MTTP: variants seen among roughly 807,000 people sequenced by gnomAD.
The protein encoded by MTTP is microsomal triglyceride transfer protein large subunit.
MTTP carries 49 observed loss-of-function variants against 90.6 expected under a neutral mutation model. The ratio of observed to expected loss-of-function variants is 0.54; its 90% CI spans 0.43 to 0.69. MTTP has a LOEUF of 0.69. Among genes scored for constraint, MTTP ranks in the 30% least tolerant of loss-of-function variants. The probability of loss-of-function intolerance (pLI) is 0.00; values close to 1 mark genes in which losing one functional copy is unlikely to be tolerated. For missense variants in MTTP, 945 were observed against 1,067.5 expected, an observed-to-expected ratio of 0.89 and a Z score of 1.60; for synonymous variants, 347 against 384.2, an observed-to-expected ratio of 0.90 and a Z score of 1.13.
chr4:99,603,390 C>T (rs1725742407), intron 10 of MTTP, among the ~76,000 whole-genome samples: 1 of 151,972 alleles, frequency 6.6e-6, no homozygotes, highest in Non-Finnish European at 1.5e-5. Context: ...AAGAAAGAAG[C>T]AAGATGTTTT....
At chr4:99,611,538 T>C in intron 14 of MTTP, 85 bp downstream of exon 14, 2 of 1,520,806 alleles carry the variant, frequency 1.3e-6, no homozygotes, top group Non-Finnish European at 1.8e-6. Context: ...CTGTGGGTAA[T>C]GCTATAGAAT....
chr4:99,570,948 T>C, upstream of MTTP: 1 of 344,066 alleles, frequency 2.9e-6, no homozygotes, highest in Non-Finnish European at 5.7e-6. Flanking sequence ...AGACCAGTGT[T>C]AGACTTCTGA....
intron 1 of MTTP, among the ~76,000 whole-genome samples, chr4:99,566,027 C>T (rs1422645996): frequency 1.3e-5 from 2 of 152,184 alleles, no homozygotes; most frequent in South Asian, 4.2e-4. Flanking sequence ...TGGTGGCTCA[C>T]GCCTGTAATC....
At chr4:99,598,653 CTTTTTTTTTTTTTTTTTTT>C (rs745529189) in intron 8 of MTTP, among the ~76,000 whole-genome samples, 1 of 82,536 alleles carries the variant, frequency 1.2e-5, no homozygotes, top group African/African-American at 4.9e-5. Flanking sequence ...TCAAGGAAGT[CTTTTTTTTTTTTTTTTTTT>C]TTTTTTTTTA....
intron 1 of MTTP, among the ~76,000 whole-genome samples, chr4:99,566,293 AAAAG>A (rs1377221450): frequency 3.5e-4 from 48 of 138,280 alleles, no homozygotes; most frequent in African/African-American, 1.1e-3. Context: ...CGTCTCAAAA[AAAAG>A]AAAAAAAAAA....
At chr4:99,589,812 T>A in intron 4 of MTTP, 62 bp downstream of exon 4, 1 of 1,149,348 alleles carries the variant, frequency 8.7e-7, no homozygotes, top group Non-Finnish European at 1.3e-6. Context: ...TTTCTACTTA[T>A]ACAATTTCAG....
chr4:99,619,403 C>A (rs1726177387), intron 16 of MTTP, among the ~76,000 whole-genome samples: 1 of 152,078 alleles, frequency 6.6e-6, no homozygotes, highest in African/African-American at 2.4e-5. Context: ...GAAGAAATTT[C>A]ACTTTAAGGT....
At position 99,589,701 on chromosome 4, in the gene MTTP, G is replaced by T. The variant is rs1252692732; in HGVS notation, c.452G>T (p.Gly151Val). Residue 151 changes from glycine (G) to valine (V), a missense_variant, in exon 4 of 18, where the codon GGT becomes GTT. Coordinates refer to ENST00000265517, the MANE Select transcript of MTTP (RefSeq NM_001386140.1). ...GTGGCCATAGAAAATATCAAGAGAG[G>T]TCTGGCTAGCCTATTTCAGACACAG... The part of the protein sequence containing the change: ...EAVAIENIKR[G>V]LASLFQTQLS... 3.1e-6 allele frequency: 5 copies of T among 1,610,144 alleles called. No individual in the cohort carries two copies. Among genetic ancestry groups the T allele is most frequent in the Non-Finnish European group, 4.2e-6 (5 of 1,176,850 alleles).
At chr4:99,574,796 A>C (rs979035195), upstream of MTTP, 1 of 1,606,672 alleles carries the variant, frequency 6.2e-7, no homozygotes, top group Admixed American at 1.7e-5. Context: ...AAAGATAAAC[A>C]TGATTGTTGC....
At chr4:99,577,893 C>G (rs914000098) in intron 1 of MTTP, among the ~76,000 whole-genome samples, 4 of 152,078 alleles carry the variant, frequency 2.6e-5, no homozygotes, top group Admixed American at 6.6e-5. Flanking sequence ...TCCTTCATTT[C>G]CAGTCTTTCT....
intron 16 of MTTP, chr4:99,620,807 C>T: frequency 1.9e-6 from 1 of 520,476 alleles, no homozygotes. Context: ...ATCTTACAGA[C>T]ACTCCCCACA....
intron 1 of MTTP, among the ~76,000 whole-genome samples, chr4:99,581,096 A>T (rs1725100027): frequency 6.6e-6 from 1 of 152,204 alleles, no homozygotes; most frequent in Non-Finnish European, 1.5e-5. Context: ...AAATATACAA[A>T]AGAAAAAAGA....
intron 6 of MTTP, among the ~76,000 whole-genome samples, chr4:99,594,235 A>AGGCAG (rs2110220276): frequency 6.6e-6 from 1 of 152,288 alleles, no homozygotes; most frequent in South Asian, 2.1e-4. Flanking sequence ...CTATTAGTTG[A>AGGCAG]GGCAGTCACA....
At chr4:99,576,166 G>A (rs994377982) in intron 1 of MTTP, among the ~76,000 whole-genome samples, 2 of 152,170 alleles carry the variant, frequency 1.3e-5, no homozygotes, top group Non-Finnish European at 2.9e-5. Context: ...TTAATGAGAA[G>A]AAGATTTATA....
In MTTP at chr4:99,576,161, GAGA is replaced by G. The variant is rs540408316; in HGVS notation, c.61+1198_61+1200del. On this transcript the variant is annotated intron_variant, in intron 1 of 17. Coordinates refer to ENST00000265517, the MANE Select transcript of MTTP (RefSeq NM_001386140.1). ...ACTTGGACAAAAGAAATTTTTTAAT[GAGA>G]AGAAGATTTATAAATTATATCTGAC... Among the ~76,000 whole-genome samples, 973 of 152,252 alleles carry G rather than the reference GAGA, an allele frequency of 6.4e-3. 9 individuals carry two copies. Among genetic ancestry groups the G allele is most frequent in the African/African-American group, 0.022 (908 of 41,548 alleles).
At chr4:99,604,619 ACTT>A (rs1444431233) in intron 10 of MTTP, among the ~76,000 whole-genome samples, 1 of 152,144 alleles carries the variant, frequency 6.6e-6, no homozygotes, top group African/African-American at 2.4e-5. Context: ...AAATACTTTT[ACTT>A]CTTATTACTT....
chr4:99,572,110 C>G (rs538657077), upstream of MTTP, among the ~76,000 whole-genome samples: 11 of 151,996 alleles, frequency 7.2e-5, no homozygotes, highest in South Asian at 2.3e-3. Flanking sequence ...AGAAACACAA[C>G]TGTACTTTGG....
chr4:99,582,691 A>G (rs965833840), intron 2 of MTTP, among the ~76,000 whole-genome samples: 6 of 152,196 alleles, frequency 3.9e-5, no homozygotes, highest in African/African-American at 1.2e-4. Context: ...TCAAGAACCT[A>G]AAGATAATAG....
chr4:99,578,758 T>A (rs557598779), intron 1 of MTTP, among the ~76,000 whole-genome samples: 4 of 152,324 alleles, frequency 2.6e-5, no homozygotes, highest in South Asian at 4.1e-4. Flanking sequence ...AGAACTTGGA[T>A]TTTGGTAAAT....
Sources: allele counts gnomAD v4.1 joint callset (sites outside exome capture counted in the v4.1 genomes callset), GRCh38; gene constraint gnomAD v4.1.1; transcripts MANE v1.5; gene names NCBI Gene and HGNC (gene_info 2026-07-23, HGNC 2026-07-21).